Variants in ERMP1 observed in about 807,000 individuals in gnomAD.
ERMP1 encodes Felix-ina.
A neutral mutation model predicts 92.0 loss-of-function variants in ERMP1; 86 were observed. The ratio of observed to expected loss-of-function variants is 0.93; its 90% confidence interval spans 0.79 to 1.12. The LOEUF is 1.12. Among genes scored for constraint, ERMP1 ranks in the 50% most tolerant of loss-of-function variants. ERMP1 has a pLI of 0.00. For missense variants in ERMP1, 1,342 were observed against 1,116.3 expected (o/e 1.20, Z -2.88); for synonymous variants, 530 against 412.8 (o/e 1.28, Z -3.44).
At chr9:5,791,767 T>A (rs1586764876) in intron 13 of ERMP1, among the ~76,000 whole-genome samples, 1 of 152,158 alleles carries the variant, frequency 6.6e-6, no homozygotes, top group Non-Finnish European at 1.5e-5. Context: ...ATTTAACAAT[T>A]CAACACATGT....
In ERMP1 at chr9:5,810,054, T is replaced by G; in HGVS notation, c.1505A>C (p.Lys502Thr). 6.2e-7 allele frequency: 1 copy of G among 1,613,636 alleles called. No individual in the cohort carries two copies. The highest frequency in any genetic ancestry group is 8.5e-7 in the Non-Finnish European group (1 of 1,179,614). The part of the protein sequence containing the change: ...VCLYGTATVA[K>T]IILIHTLAKR... Reference sequence around the variant, plus strand: ...CGCAAGAGTATGTATAAGTATTATTTTGGCTACAGTTGCAGTTCCATACAG... The same window carrying G: ...CGCAAGAGTATGTATAAGTATTATTGTGGCTACAGTTGCAGTTCCATACAG... The change falls in exon 8 of 15, where the codon AAA (lysine) becomes ACA (threonine). Residue 502 changes from lysine to threonine, a missense_variant. Lys to Thr is a moderately conservative substitution (Grantham distance 78, BLOSUM62 -1). Transcript: ENST00000339450.
chr9:5,865,511 AAATAAT>A (rs58367366), intron 5 of ERMP1, among the ~76,000 whole-genome samples: 81,710 of 141,940 alleles, frequency 0.58, 24,271 homozygotes, highest in South Asian at 0.68. Context: ...CCATCTCAAA[AAATAAT>A]AATAATAATA....
intron 5 of ERMP1, among the ~76,000 whole-genome samples, chr9:5,865,693 C>T (rs1488659584): frequency 6.6e-6 from 1 of 150,546 alleles, no homozygotes; most frequent in Non-Finnish European, 1.5e-5. Flanking sequence ...CAAAAATTAG[C>T]TGGGCGTGGT....
chr9:5,841,849 A>C (rs904977102), intron 6 of ERMP1, among the ~76,000 whole-genome samples: 3 of 151,936 alleles, frequency 2.0e-5, no homozygotes, highest in African/African-American at 7.3e-5. Context: ...CAGTTCTTAA[A>C]GATGGTGTGT....
intron 11 of ERMP1, among the ~76,000 whole-genome samples, chr9:5,799,277 G>A (rs577043322): frequency 3.0e-4 from 45 of 152,246 alleles, no homozygotes; most frequent in Non-Finnish European, 5.6e-4. Flanking sequence ...CTTAAAAGAC[G>A]TTAATGTTAG....
intron 3 of ERMP1, among the ~76,000 whole-genome samples, 162 bp from the exon 4 acceptor site, chr9:5,824,163 C>T (rs1829647488): frequency 6.6e-6 from 1 of 152,246 alleles, no homozygotes; most frequent in Non-Finnish European, 1.5e-5. Context: ...TGCTTCTTTT[C>T]CTATGCATAA....
In ERMP1 at chr9:5,832,737, T is replaced by G; in HGVS notation, c.291A>C (p.Leu97=). ...CCCCGCGGTGTCCAGCGGCCCCGCG[T>G]AGCACGAGCTGCTGCAGCGAGAGCT... ...LVQLSLQQLV[L]RGAAGHRGEF... is the part of the protein sequence containing the mutation. Residue 97 remains leucine (L), a synonymous_variant, in exon 1 of 15, where the codon CTA becomes CTC. Coordinates refer to ENST00000339450, the MANE Select transcript of ERMP1 (RefSeq NM_024896.3). The G allele has an allele frequency of 6.7e-7, 1 of 1,496,478 alleles. No homozygotes were observed. Among genetic ancestry groups the G allele is most frequent in the Non-Finnish European group, 8.8e-7 (1 of 1,131,724 alleles). 92.7% of individuals were successfully genotyped at this position (1,496,478 alleles called of 1,614,324 possible).
At chr9:5,843,031 GACAA>G (rs1381094239) in intron 6 of ERMP1, among the ~76,000 whole-genome samples, 1 of 152,342 alleles carries the variant, frequency 6.6e-6, no homozygotes, top group East Asian at 1.9e-4. Context: ...AAAGCCAAGT[GACAA>G]ACAGACTTGT....
chr9:5,790,142 G>T (rs945156806), intron 13 of ERMP1, among the ~76,000 whole-genome samples: 1 of 150,076 alleles, frequency 6.7e-6, no homozygotes, highest in Non-Finnish European at 1.5e-5. Flanking sequence ...TGTTGTATGG[G>T]TTAATTGGTG....
chr9:5,853,461 A>G (rs1300853415), intron 6 of ERMP1, among the ~76,000 whole-genome samples: 1 of 151,180 alleles, frequency 6.6e-6, no homozygotes, highest in Non-Finnish European at 1.5e-5. Context: ...ATCTCCCAGA[A>G]GAGCCATACA....
chr9:5,814,159 G>A (rs1435363702), intron 4 of ERMP1, among the ~76,000 whole-genome samples: 1 of 152,116 alleles, frequency 6.6e-6, no homozygotes, highest in African/African-American at 2.4e-5. Context: ...TGATTTGTGA[G>A]ATCAATACAT....
At chr9:5,792,089 T>G (rs542643596) in intron 13 of ERMP1, among the ~76,000 whole-genome samples, 2 of 152,258 alleles carry the variant, frequency 1.3e-5, no homozygotes, top group South Asian at 4.2e-4. Context: ...ATACCAGAAG[T>G]AACAGTGTGT....
chr9:5,859,194 G>A (rs1443060359), intron 6 of ERMP1, among the ~76,000 whole-genome samples: 5 of 152,102 alleles, frequency 3.3e-5, no homozygotes, highest in Admixed American at 3.3e-4. Flanking sequence ...TTATTTAGCA[G>A]GAAGTCCTTC....
chr9:5,823,290 A>C (rs1340956928), intron 4 of ERMP1, among the ~76,000 whole-genome samples: 5 of 152,196 alleles, frequency 3.3e-5, no homozygotes, highest in Admixed American at 3.3e-4. Flanking sequence ...AAAAACAATA[A>C]AATAAAAATT....
chr9:5,799,038 T>C, intron 11 of ERMP1, 30 bp from the exon 12 acceptor site: 1 of 1,530,278 alleles, frequency 6.5e-7, no homozygotes, highest in Non-Finnish European at 9.0e-7. Flanking sequence ...GAAAAAACTG[T>C]TTCAACTAGT....
intron 6 of ERMP1, among the ~76,000 whole-genome samples, chr9:5,851,686 G>A (rs1830308472): frequency 6.6e-6 from 1 of 152,128 alleles, no homozygotes; most frequent in Non-Finnish European, 1.5e-5. Context: ...TAAGTCTGTG[G>A]CAGCTGGAGC....
At chr9:5,841,987 G>A (rs1226470449) in intron 6 of ERMP1, among the ~76,000 whole-genome samples, 1 of 152,144 alleles carries the variant, frequency 6.6e-6, no homozygotes, top group Non-Finnish European at 1.5e-5. Context: ...CTCCTGGTGG[G>A]TTCATGGTCT....
chr9:5,866,070 T>A (rs1249607071), intron 5 of ERMP1, among the ~76,000 whole-genome samples: 1 of 152,152 alleles, frequency 6.6e-6, no homozygotes, highest in Non-Finnish European at 1.5e-5. Context: ...CACTTTATCA[T>A]TATGTGATTG....
chr9:5,809,462 A>G (rs1396595139), intron 8 of ERMP1, among the ~76,000 whole-genome samples: 5 of 152,218 alleles, frequency 3.3e-5, no homozygotes, highest in Admixed American at 1.3e-4. Flanking sequence ...TTTAACTCCA[A>G]TGACATACAT....
Sources: allele counts gnomAD v4.1 joint callset (sites outside exome capture counted in the v4.1 genomes callset), GRCh38; gene constraint gnomAD v4.1.1; transcripts MANE v1.5; gene names NCBI Gene and HGNC (gene_info 2026-07-23, HGNC 2026-07-21).